Variants in UNC13C observed in about 807,000 individuals in gnomAD.
UNC13C encodes the protein unc-13 homolog C.
UNC13C carries 174 observed loss-of-function variants against 245.4 expected under a neutral mutation model. The observed-to-expected ratio is 0.71, with a 90% CI of 0.63 to 0.80. The LOEUF (loss-of-function observed/expected upper bound fraction) is 0.80, where lower values mean the gene tolerates loss of function less well. Ranked by LOEUF, UNC13C falls within the 30% of genes least tolerant of loss-of-function variation. The pLI, the probability that UNC13C is intolerant of heterozygous loss-of-function variation, is 0.00. For synonymous variants in UNC13C, 992 were observed against 895.1 expected (o/e 1.11, Z -1.93); for missense variants, 2,829 against 2,602.9 (o/e 1.09, Z -1.89).
intron 2 of UNC13C, among the ~76,000 whole-genome samples, chr15:54,079,702 T>G (rs543563201): frequency 6.5e-4 from 99 of 152,038 alleles, no homozygotes; most frequent in Middle Eastern, 3.4e-3. Flanking sequence ...GGTCTAGGAG[T>G]CTTTTAAAAG....
Position 54,250,575 on chromosome 15 carries a change from A to G in UNC13C, c.3448+131A>G. ...CGCTCCCCTCCCACCACTTACACAAAGATACACATACTGTCCATCAAATCA... is the reference window on the plus strand; with the variant it reads ...CGCTCCCCTCCCACCACTTACACAAGGATACACATACTGTCCATCAAATCA... On this transcript the variant is annotated intron_variant, in intron 8 of 32. Transcript: ENST00000260323. 4.0e-6 allele frequency: 3 copies of G among 749,168 alleles called. No homozygotes were observed. In the South Asian group the frequency reaches 5.7e-5, roughly 14 times the overall value. The allele number at this position is 749,168 out of a possible 1,614,324, so 46.4% of individuals were successfully genotyped here. A position where few individuals can be genotyped will look rare whatever the true frequency, so the allele number is the denominator to read the frequency against.
At chr15:54,299,983 C>T (rs138704968) in intron 12 of UNC13C, among the ~76,000 whole-genome samples, 70 of 152,238 alleles carry the variant, frequency 4.6e-4, no homozygotes, top group African/African-American at 1.7e-3. Flanking sequence ...TATGTCCTTC[C>T]TTCCCATATT....
chr15:54,613,915 AAACT>A (rs1386011525), intron 30 of UNC13C, among the ~76,000 whole-genome samples: 2 of 151,926 alleles, frequency 1.3e-5, no homozygotes, highest in African/African-American at 4.8e-5. Flanking sequence ...TTGGTGGGAG[AAACT>A]ATTATACATT....
At chr15:54,584,644 A>C (rs958665179) in intron 30 of UNC13C, among the ~76,000 whole-genome samples, 4 of 152,272 alleles carry the variant, frequency 2.6e-5, no homozygotes, top group African/African-American at 7.2e-5. Flanking sequence ...CAATTTGGAA[A>C]CTAGCTGGTA....
intron 18 of UNC13C, 27 bp from the exon 19 acceptor site, chr15:54,414,955 A>G (rs1390136074): frequency 1.3e-6 from 2 of 1,582,830 alleles, no homozygotes; most frequent in Non-Finnish European, 8.6e-7. Context: ...TCTTCTTCAT[A>G]CACTAATACA....
intron 17 of UNC13C, among the ~76,000 whole-genome samples, chr15:54,343,234 A>C (rs952584645): frequency 1.3e-5 from 2 of 151,922 alleles, no homozygotes; most frequent in Non-Finnish European, 2.9e-5. Context: ...CTTGGGTTCA[A>C]GTGATTCTCC....
chr15:54,535,532 A>G (rs1895949828), intron 26 of UNC13C, among the ~76,000 whole-genome samples: 1 of 152,110 alleles, frequency 6.6e-6, no homozygotes, highest in South Asian at 2.1e-4. Context: ...CAACCCAACA[A>G]AAACAGAATA....
intron 2 of UNC13C, among the ~76,000 whole-genome samples, chr15:54,126,107 A>G (rs2031020270): frequency 6.6e-6 from 1 of 152,224 alleles, no homozygotes; most frequent in Admixed American, 6.5e-5. Flanking sequence ...ATGACAAAAA[A>G]TAAAAGGATA....
At chr15:54,580,856 A>G (rs936165446) in intron 30 of UNC13C, among the ~76,000 whole-genome samples, 3 of 152,162 alleles carry the variant, frequency 2.0e-5, no homozygotes, top group Admixed American at 1.3e-4. Flanking sequence ...AGGCTCTTGG[A>G]GTGACTGAGA....
chr15:53,856,967 T>TAAATC, the UNC13C span, among the ~76,000 whole-genome samples: 3 of 152,156 alleles, frequency 2.0e-5, no homozygotes, highest in Non-Finnish European at 4.4e-5. Context: ...TGCTCCTGTA[T>TAAATC]TGGGTGCATA....
At chr15:54,605,061 T>G (rs1024447655) in intron 30 of UNC13C, among the ~76,000 whole-genome samples, 2 of 152,212 alleles carry the variant, frequency 1.3e-5, no homozygotes, top group South Asian at 2.1e-4. Context: ...TGGGAGTTTA[T>G]TCCCAGCTTG....
chr15:53,959,460 T>G, the UNC13C span, among the ~76,000 whole-genome samples: 1 of 152,108 alleles, frequency 6.6e-6, no homozygotes, highest in Non-Finnish European at 1.5e-5. Flanking sequence ...TTTCTTATGG[T>G]TTCTTTTTGA....
chr15:54,256,872 T>C (rs572009621), intron 8 of UNC13C, among the ~76,000 whole-genome samples: 2 of 152,206 alleles, frequency 1.3e-5, no homozygotes, highest in Non-Finnish European at 2.9e-5. Flanking sequence ...GCTATGTTTT[T>C]GTCTATGCTT....
At chr15:54,250,034 C>T (rs1596082570) in intron 7 of UNC13C, among the ~76,000 whole-genome samples, 191 bp from the exon 8 acceptor site, 1 of 151,970 alleles carries the variant, frequency 6.6e-6, no homozygotes, top group African/African-American at 2.4e-5. Context: ...TGAATAGGGC[C>T]CTAAAACATT....
intron 4 of UNC13C, among the ~76,000 whole-genome samples, chr15:54,206,740 T>A (rs2034725096): frequency 6.6e-6 from 1 of 152,086 alleles, no homozygotes; most frequent in Non-Finnish European, 1.5e-5. Context: ...TCATCGCACT[T>A]CTAATAGATA....
chr15:54,392,788 C>T (rs2039984813), intron 17 of UNC13C, among the ~76,000 whole-genome samples: 1 of 151,818 alleles, frequency 6.6e-6, no homozygotes, highest in South Asian at 2.1e-4. Context: ...TAATCCAGAA[C>T]AACAACAACA....
At chr15:54,433,600 A>G (rs1197803901) in intron 19 of UNC13C, among the ~76,000 whole-genome samples, 1 of 152,132 alleles carries the variant, frequency 6.6e-6, no homozygotes, top group African/African-American at 2.4e-5. Flanking sequence ...AATAAGAGCT[A>G]TTTATGACAA....
downstream of UNC13C, chr15:54,629,655 T>C (rs1596719851): frequency 6.6e-6 from 1 of 152,228 alleles, no homozygotes; most frequent in Non-Finnish European, 1.5e-5. Flanking sequence ...AAATTCATTC[T>C]AGATTTATGT....
intron 20 of UNC13C, among the ~76,000 whole-genome samples, chr15:54,499,270 A>T (rs1894091620): frequency 6.6e-6 from 1 of 152,024 alleles, no homozygotes; most frequent in African/African-American, 2.4e-5. Flanking sequence ...GAACTCAAAC[A>T]CTATCACAAG....
Sources: allele counts gnomAD v4.1 joint callset (sites outside exome capture counted in the v4.1 genomes callset), GRCh38; gene constraint gnomAD v4.1.1; transcripts MANE v1.5; gene names NCBI Gene and HGNC (gene_info 2026-07-23, HGNC 2026-07-21).